Variants in RAE1 observed in about 807,000 individuals in gnomAD.
RAE1 encodes the protein ribonucleic acid export 1.
A neutral mutation model predicts 52.7 loss-of-function variants in RAE1; 13 were observed. The observed-to-expected ratio is 0.25, with a 90% CI of 0.16 to 0.39. The LOEUF is 0.39. Ranked by LOEUF, RAE1 falls within the 10% of genes least tolerant of loss-of-function variation. RAE1 has a pLI of 1.00. For missense variants in RAE1, 262 were observed against 459.8 expected, an observed-to-expected ratio of 0.57 and a Z score of 3.93; for synonymous variants, 164 against 153.1, an observed-to-expected ratio of 1.07 and a Z score of -0.52.
At chr20:57,376,400 G>C (rs560176995) in intron 11 of RAE1, among the ~76,000 whole-genome samples, 1 of 151,994 alleles carries the variant, frequency 6.6e-6, no homozygotes, top group Non-Finnish European at 1.5e-5. Context: ...CTTCCCTTAC[G>C]CACACACAAA....
chr20:57,354,331 G>T (rs1205856896), intron 2 of RAE1, among the ~76,000 whole-genome samples: 2 of 152,238 alleles, frequency 1.3e-5, no homozygotes, highest in Non-Finnish European at 2.9e-5. Context: ...CAGGTCTCCA[G>T]AATCACCCAA....
chr20:57,358,431 G>C (rs970467930), intron 4 of RAE1: 1 of 152,310 alleles, frequency 6.6e-6, no homozygotes, highest in Non-Finnish European at 1.5e-5. Flanking sequence ...CAATCGCTGG[G>C]CTCTGCCATC....
At chr20:57,375,718 G>C (rs2067104222) in intron 11 of RAE1, among the ~76,000 whole-genome samples, 1 of 152,182 alleles carries the variant, frequency 6.6e-6, no homozygotes, top group Non-Finnish European at 1.5e-5. Context: ...TCCACTGCCA[G>C]GTACTTTCTG....
At chr20:57,375,239 A>G (rs2067095985) in intron 11 of RAE1, 1 of 599,706 alleles carries the variant, frequency 1.7e-6, no homozygotes, top group South Asian at 2.0e-5. Flanking sequence ...TGAAATGTGT[A>G]GACTCGGGTA....
At chr20:57,367,131 G>A (rs747949833) in intron 7 of RAE1, 52 bp downstream of exon 7, 4 of 1,431,508 alleles carry the variant, frequency 2.8e-6, no homozygotes, top group East Asian at 2.3e-5. Flanking sequence ...AACAAAATAA[G>A]TATTCTCACC....
intron 4 of RAE1, among the ~76,000 whole-genome samples, chr20:57,363,256 G>T (rs1307253648): frequency 1.3e-5 from 2 of 152,156 alleles, no homozygotes; most frequent in African/African-American, 2.4e-5. Context: ...GGTAGGCTGG[G>T]TGCAGTGGCA....
intron 11 of RAE1, among the ~76,000 whole-genome samples, chr20:57,375,578 C>G (rs940403853): frequency 1.3e-5 from 2 of 152,150 alleles, no homozygotes; most frequent in African/African-American, 4.8e-5. Flanking sequence ...CTTCTGTCCC[C>G]GTCCACCAGC....
intron 3 of RAE1, 38 bp from the exon 4 acceptor site, chr20:57,356,408 A>T: frequency 6.6e-7 from 1 of 1,514,612 alleles, no homozygotes; most frequent in Non-Finnish European, 9.1e-7. Flanking sequence ...AATACATCGT[A>T]ATTGCTTTGT....
intron 8 of RAE1, chr20:57,373,092 A>G: frequency 4.2e-6 from 1 of 236,286 alleles, no homozygotes; most frequent in Non-Finnish European, 8.4e-6. Flanking sequence ...CCAGCTGGGG[A>G]GGCAGAAGCG....
chr20:57,361,039 G>A (rs185528684), intron 4 of RAE1, among the ~76,000 whole-genome samples: 1 of 152,070 alleles, frequency 6.6e-6, no homozygotes, highest in Admixed American at 6.6e-5. Flanking sequence ...GCTTTGAGTG[G>A]TTAAGCTACA....
At chr20:57,358,327 T>C (rs373610651) in intron 4 of RAE1, 36 of 152,346 alleles carry the variant, frequency 2.4e-4, no homozygotes, top group African/African-American at 8.4e-4. Context: ...GCTATCGCGA[T>C]AAGAGTGGGG....
chr20:57,354,177 T>G, intron 2 of RAE1, 49 bp downstream of exon 2: 2 of 1,541,932 alleles, frequency 1.3e-6, no homozygotes, highest in Non-Finnish European at 1.8e-6. Flanking sequence ...TGGGCAGAGT[T>G]TCTCCCATCA....
intron 4 of RAE1, among the ~76,000 whole-genome samples, 187 bp downstream of exon 4, chr20:57,356,725 CT>C (rs2066793325): frequency 6.6e-6 from 1 of 152,160 alleles, no homozygotes; most frequent in South Asian, 2.1e-4. Flanking sequence ...TCTTTGAAAG[CT>C]TTTCTTGTAT....
chr20:57,352,752 A>G (rs1164316484), intron 1 of RAE1, among the ~76,000 whole-genome samples: 1 of 152,180 alleles, frequency 6.6e-6, no homozygotes, highest in Non-Finnish European at 1.5e-5. Context: ...TGTGAAGTAG[A>G]TATTAGTGTC....
chr20:57,369,084 C>T (rs2066997894), intron 8 of RAE1, among the ~76,000 whole-genome samples: 2 of 152,146 alleles, frequency 1.3e-5, no homozygotes, highest in Non-Finnish European at 2.9e-5. Flanking sequence ...TCTCCTTTGC[C>T]CTCTGAAGGG....
At chr20:57,377,941 C>A in intron 11 of RAE1, 72 bp from the exon 12 acceptor site, 1 of 1,142,410 alleles carries the variant, frequency 8.8e-7, no homozygotes, top group Non-Finnish European at 1.3e-6. Context: ...AGGACTTCAC[C>A]TAGAAAAAGC....
At position 57,378,039 on chromosome 20, in the gene RAE1, A is replaced by G; in HGVS notation, c.1047A>G (p.Lys349=). 1 of 1,612,522 alleles carries G rather than the reference A, an allele frequency of 6.2e-7. No homozygotes were observed. The highest frequency in any genetic ancestry group is 8.5e-7 in the Non-Finnish European group (1 of 1,178,626). The change falls in exon 12 of 12, where the codon AAA becomes AAG. Residue 349 remains lysine (K), a synonymous_variant. Coordinates refer to ENST00000395841, the MANE Select transcript of RAE1 (RefSeq NM_003610.4). ...GACATGAATTTTATAATCCCCAGAA[A>G]AAAAATTACATTTTCCTGCGTAATG... The part of the protein sequence containing the change: ...SKGHEFYNPQ[K]KNYIFLRNAA...
chr20:57,352,724 AT>A (rs1317112028), intron 1 of RAE1, among the ~76,000 whole-genome samples: 1 of 152,188 alleles, frequency 6.6e-6, no homozygotes, highest in Non-Finnish European at 1.5e-5. Context: ...GTGTGGCTTC[AT>A]TTAGTTCTCA....
At chr20:57,370,391 C>T (rs1210995843) in intron 8 of RAE1, among the ~76,000 whole-genome samples, 4 of 152,216 alleles carry the variant, frequency 2.6e-5, no homozygotes, top group Non-Finnish European at 5.9e-5. Flanking sequence ...CTCTGTGGCT[C>T]TTCTATCCTT....
Sources: gnomAD v4.1 joint callset for allele counts (sites outside exome capture counted in the v4.1 genomes callset) on GRCh38, gnomAD v4.1.1 for gene constraint, MANE v1.5 for transcripts, NCBI Gene and HGNC (gene_info 2026-07-23, HGNC 2026-07-21) for gene names.